The following CRPPA variants were observed in gnomAD, a reference collection of about 807,000 sequenced individuals.
CRPPA encodes D-ribitol-5-phosphate cytidylyltransferase.
In CRPPA, 43 loss-of-function variants were observed where a neutral mutation model predicts 52.0. The observed-to-expected ratio is 0.83, with a 90% CI of 0.65 to 1.07. The LOEUF is 1.07. CRPPA is among the 50% of genes least tolerant of loss of function. CRPPA has a pLI of 0.00. For synonymous variants in CRPPA, 250 were observed against 203.5 expected, an observed-to-expected ratio of 1.23 and a Z score of -1.94; for missense variants, 629 against 551.7, an observed-to-expected ratio of 1.14 and a Z score of -1.40.
chr7:16,217,872 A>T (rs1782375615), intron 8 of CRPPA, among the ~76,000 whole-genome samples: 1 of 152,090 alleles, frequency 6.6e-6, no homozygotes, highest in Non-Finnish European at 1.5e-5. Flanking sequence ...ACTCTGCAGG[A>T]TATTATCCAG....
chr7:16,197,583 T>C (rs561226183), intron 9 of CRPPA, among the ~76,000 whole-genome samples: 1 of 151,900 alleles, frequency 6.6e-6, no homozygotes, highest in South Asian at 2.1e-4. Flanking sequence ...CAATCCTTCC[T>C]GCCTCTGCCT....
At chr7:16,332,340 CTT>C (rs1785571256) in intron 3 of CRPPA, among the ~76,000 whole-genome samples, 3 of 152,008 alleles carry the variant, frequency 2.0e-5, no homozygotes, top group Non-Finnish European at 2.9e-5. Context: ...AGGTCAGAGA[CTT>C]TACATAAAGA....
chr7:16,168,317 T>A (rs1001657959), intron 9 of CRPPA, among the ~76,000 whole-genome samples: 14 of 152,122 alleles, frequency 9.2e-5, no homozygotes, highest in Non-Finnish European at 1.8e-4. Flanking sequence ...ATAGTTAATG[T>A]TAAATTAAGT....
chr7:16,192,269 T>C (rs1446665237), intron 9 of CRPPA, among the ~76,000 whole-genome samples: 6 of 152,040 alleles, frequency 3.9e-5, no homozygotes, highest in Non-Finnish European at 7.4e-5. Context: ...CTTAAGAATA[T>C]ATATATTCTA....
chr7:16,327,315 G>A (rs76612784), intron 3 of CRPPA, among the ~76,000 whole-genome samples: 24,913 of 152,076 alleles, frequency 0.16, 2,581 homozygotes, highest in South Asian at 0.42. Context: ...ATCCAAGGCC[G>A]GGCGCGGTGG....
At chr7:16,221,098 A>T (rs1217604860) in intron 8 of CRPPA, among the ~76,000 whole-genome samples, 4 of 152,194 alleles carry the variant, frequency 2.6e-5, no homozygotes, top group East Asian at 3.9e-4. Context: ...AAAACAGAGA[A>T]ATCGATCAAT....
rs764802213 is a variant in CRPPA, at chr7:16,216,240, A to C, written c.1120-43T>G. 4 of 1,327,608 alleles carry C rather than the reference A, an allele frequency of 3.0e-6. No individual in the cohort carries two copies. The African/African-American group carries it at 4.5e-5, about 15-fold the overall frequency. 82.2% of individuals were successfully genotyped at this position (1,327,608 alleles called of 1,614,324 possible). Reference sequence around the variant, plus strand: ...CAGTATTTAGAATATCATTCCCTTCAACTTTCTCTGGAGGGAAAAAACATT... The same window carrying C: ...CAGTATTTAGAATATCATTCCCTTCCACTTTCTCTGGAGGGAAAAAACATT... On this transcript the variant is annotated intron_variant, in intron 8 of 9. Coordinates refer to ENST00000407010, the MANE Select transcript of CRPPA (RefSeq NM_001101426.4).
intron 9 of CRPPA, among the ~76,000 whole-genome samples, chr7:16,140,270 C>T (rs1782843399): frequency 6.6e-6 from 1 of 152,044 alleles, no homozygotes. Flanking sequence ...GCCTCAGGCT[C>T]CTGAGTAGCT....
At chr7:16,333,850 G>C (rs543674157) in intron 3 of CRPPA, among the ~76,000 whole-genome samples, 24 of 152,188 alleles carry the variant, frequency 1.6e-4, no homozygotes, top group Non-Finnish European at 3.1e-4. Context: ...AATGAGAAAA[G>C]TCACAATTGA....
intron 8 of CRPPA, among the ~76,000 whole-genome samples, chr7:16,230,913 C>A (rs1782776160): frequency 6.6e-6 from 1 of 152,094 alleles, no homozygotes; most frequent in South Asian, 2.1e-4. Context: ...GTTCAGAGGA[C>A]TGACACAAGT....
At chr7:16,388,634 G>A (rs950034189) in intron 2 of CRPPA, among the ~76,000 whole-genome samples, 1 of 152,212 alleles carries the variant, frequency 6.6e-6, no homozygotes, top group Non-Finnish European at 1.5e-5. Flanking sequence ...CAGCACTTTG[G>A]GAGGCCAAGG....
chr7:16,192,901 T>C (rs775315398), intron 9 of CRPPA, among the ~76,000 whole-genome samples: 5 of 152,152 alleles, frequency 3.3e-5, no homozygotes, highest in Non-Finnish European at 7.4e-5. Flanking sequence ...TTCTAGACTA[T>C]TTTAATTCCT....
intron 9 of CRPPA, among the ~76,000 whole-genome samples, chr7:16,093,053 T>C (rs1283472545): frequency 6.6e-6 from 1 of 152,208 alleles, no homozygotes; most frequent in Non-Finnish European, 1.5e-5. Context: ...CAGTCCAGTT[T>C]GGGTGAAGTG....
intron 3 of CRPPA, among the ~76,000 whole-genome samples, chr7:16,325,047 C>A (rs1785350762): frequency 6.6e-6 from 1 of 152,152 alleles, no homozygotes; most frequent in Non-Finnish European, 1.5e-5. Flanking sequence ...ATTCTGAAAG[C>A]AGCAAACTTT....
chr7:16,140,523 C>G (rs1348826369), intron 9 of CRPPA, among the ~76,000 whole-genome samples: 1 of 152,186 alleles, frequency 6.6e-6, no homozygotes, highest in Non-Finnish European at 1.5e-5. Context: ...CAAATTATTA[C>G]ACAGACACAT....
intron 6 of CRPPA, among the ~76,000 whole-genome samples, chr7:16,264,650 G>T (rs1783905372): frequency 6.6e-6 from 1 of 152,156 alleles, no homozygotes; most frequent in Admixed American, 6.5e-5. Flanking sequence ...CGTTGGCTGG[G>T]TCATCTCTGA....
chr7:16,274,051 TG>T (rs1421133815), intron 6 of CRPPA, among the ~76,000 whole-genome samples: 8 of 152,196 alleles, frequency 5.3e-5, no homozygotes, highest in Non-Finnish European at 7.4e-5. Flanking sequence ...TTTTTGTTTT[TG>T]TTTTGTTTTG....
chr7:16,367,373 G>C (rs529719188), intron 3 of CRPPA, among the ~76,000 whole-genome samples: 1 of 152,230 alleles, frequency 6.6e-6, no homozygotes, highest in Non-Finnish European at 1.5e-5. Context: ...AAGAAATGGG[G>C]AACTACACTG....
chr7:16,360,955 G>A (rs138501337), intron 3 of CRPPA, among the ~76,000 whole-genome samples: 1 of 152,094 alleles, frequency 6.6e-6, no homozygotes, highest in Non-Finnish European at 1.5e-5. Flanking sequence ...AAGAGAATAT[G>A]TATAAATCAT....
Sources: gnomAD v4.1 joint callset for allele counts (sites outside exome capture counted in the v4.1 genomes callset) on GRCh38, gnomAD v4.1.1 for gene constraint, MANE v1.5 for transcripts, NCBI Gene and HGNC (gene_info 2026-07-23, HGNC 2026-07-21) for gene names.